Variants in KCNJ15 observed in about 807,000 individuals in gnomAD.
The protein encoded by KCNJ15 is ATP-sensitive inward rectifier potassium channel 15.
KCNJ15 carries 14 observed loss-of-function variants against 23.0 expected under a neutral mutation model. The observed-to-expected ratio is 0.61, with a 90% CI of 0.40 to 0.95. KCNJ15 has a LOEUF of 0.95. KCNJ15 is among the 40% of genes least tolerant of loss of function. The probability of loss-of-function intolerance (pLI) is 0.00; values close to 1 mark genes in which losing one functional copy is unlikely to be tolerated. For synonymous variants in KCNJ15, 185 were observed against 183.2 expected (o/e 1.01, Z -0.08); for missense variants, 388 against 461.8 (o/e 0.84, Z 1.46).
intron 1 of KCNJ15, among the ~76,000 whole-genome samples, chr21:38,276,274 G>A (rs1982686226): frequency 6.6e-6 from 1 of 152,042 alleles, no homozygotes; most frequent in African/African-American, 2.4e-5. Context: ...CTGAATAAAT[G>A]AGCAAATGAA....
upstream of KCNJ15, among the ~76,000 whole-genome samples, chr21:38,256,195 T>G (rs1980213516): frequency 6.6e-6 from 1 of 151,792 alleles, no homozygotes. Context: ...CTGCCTCTGC[T>G]TCCAGAGATC....
At chr21:38,244,864 C>T (rs1006530331) in intron 1 of KCNJ15, among the ~76,000 whole-genome samples, 1 of 152,114 alleles carries the variant, frequency 6.6e-6, no homozygotes, top group Non-Finnish European at 1.5e-5. Context: ...GAATGAATGA[C>T]TACCAGCAGG....
intron 1 of KCNJ15, among the ~76,000 whole-genome samples, chr21:38,237,621 C>T (rs542283598): frequency 5.3e-5 from 8 of 152,326 alleles, no homozygotes; most frequent in African/African-American, 1.9e-4. Flanking sequence ...GGGCAGGCAG[C>T]AGACTCTGCC....
chr21:38,257,609 C>T (rs1980399041), intron 1 of KCNJ15, among the ~76,000 whole-genome samples: 1 of 152,176 alleles, frequency 6.6e-6, no homozygotes, highest in Non-Finnish European at 1.5e-5. Flanking sequence ...TTTAGATTGC[C>T]GTAAGGCGAA....
intron 1 of KCNJ15, among the ~76,000 whole-genome samples, chr21:38,263,726 C>T (rs570351650): frequency 6.6e-6 from 1 of 152,008 alleles, no homozygotes; most frequent in African/African-American, 2.4e-5. Flanking sequence ...TGTCCAGGCT[C>T]CATTTAGGTG....
chr21:38,275,249 T>A (rs1287511953), intron 1 of KCNJ15, among the ~76,000 whole-genome samples: 1 of 152,166 alleles, frequency 6.6e-6, no homozygotes, highest in Non-Finnish European at 1.5e-5. Flanking sequence ...TCCCTCTCCA[T>A]CTGTCTTGCT....
intron 1 of KCNJ15, among the ~76,000 whole-genome samples, chr21:38,248,773 C>A (rs1278656759): frequency 1.3e-5 from 2 of 152,080 alleles, no homozygotes; most frequent in Non-Finnish European, 2.9e-5. Flanking sequence ...GAGGGAGCTC[C>A]CTGTCTGAGT....
At chr21:38,278,930 T>G (rs1360449500) in intron 1 of KCNJ15, among the ~76,000 whole-genome samples, 1 of 152,090 alleles carries the variant, frequency 6.6e-6, no homozygotes, top group Non-Finnish European at 1.5e-5. Context: ...GGGACACCAC[T>G]GAGGAGGGAC....
chr21:38,291,783 C>T (rs1030877970), intron 1 of KCNJ15: 6 of 152,224 alleles, frequency 3.9e-5, no homozygotes, highest in South Asian at 4.1e-4. Flanking sequence ...ATCAACCCCT[C>T]CAGGTGATTC....
At chr21:38,265,025 C>T (rs1981318934) in intron 1 of KCNJ15, among the ~76,000 whole-genome samples, 1 of 152,158 alleles carries the variant, frequency 6.6e-6, no homozygotes, top group South Asian at 2.1e-4. Context: ...AAAGAATATA[C>T]TGCAATCCCA....
At chr21:38,246,606 A>C (rs1474352722) in intron 1 of KCNJ15, among the ~76,000 whole-genome samples, 1 of 152,212 alleles carries the variant, frequency 6.6e-6, no homozygotes, top group Non-Finnish European at 1.5e-5. Flanking sequence ...ACAAAGTCTG[A>C]ATCTCTCCAA....
At chr21:38,263,584 C>T (rs1981148149) in intron 1 of KCNJ15, among the ~76,000 whole-genome samples, 1 of 152,194 alleles carries the variant, frequency 6.6e-6, no homozygotes, top group Non-Finnish European at 1.5e-5. Flanking sequence ...AACTGTCCAC[C>T]ACCTCCTCCC....
At chr21:38,246,484 G>T (rs1270570382) in intron 1 of KCNJ15, among the ~76,000 whole-genome samples, 1 of 152,184 alleles carries the variant, frequency 6.6e-6, no homozygotes, top group Non-Finnish European at 1.5e-5. Flanking sequence ...TGTGAAGGAT[G>T]CAAATATTTC....
chr21:38,233,901 T>C (rs934887578), intron 1 of KCNJ15, among the ~76,000 whole-genome samples: 14 of 152,126 alleles, frequency 9.2e-5, no homozygotes, highest in African/African-American at 3.4e-4. Flanking sequence ...TTGTTATAAT[T>C]ATTACTTTAT....
intron 1 of KCNJ15, among the ~76,000 whole-genome samples, chr21:38,281,948 G>C (rs184076233): frequency 8.5e-5 from 13 of 152,178 alleles, no homozygotes; most frequent in Non-Finnish European, 1.8e-4. Context: ...TGACTTTTTA[G>C]TAATAGCCAT....
intron 1 of KCNJ15, among the ~76,000 whole-genome samples, chr21:38,280,987 T>C (rs1287913257): frequency 5.3e-5 from 8 of 152,202 alleles, no homozygotes; most frequent in East Asian, 1.9e-4. Context: ...TGAGGAACAG[T>C]GGCTGCAAAA....
At chr21:38,261,455 A>C (rs1054422763) in intron 1 of KCNJ15, among the ~76,000 whole-genome samples, 3 of 152,228 alleles carry the variant, frequency 2.0e-5, no homozygotes, top group African/African-American at 7.2e-5. Flanking sequence ...TGGTTGAATT[A>C]ACTTATGTAA....
At chr21:38,239,971 A>G (rs954762418) in intron 1 of KCNJ15, among the ~76,000 whole-genome samples, 5 of 151,888 alleles carry the variant, frequency 3.3e-5, no homozygotes, top group Admixed American at 1.3e-4. Context: ...TTTTCTTACA[A>G]GGTGTAAATT....
intron 1 of KCNJ15, among the ~76,000 whole-genome samples, chr21:38,249,507 A>C (rs1259139300): frequency 6.6e-6 from 1 of 152,194 alleles, no homozygotes; most frequent in African/African-American, 2.4e-5. Context: ...ACAGATAGGA[A>C]ATATTCTCCA....
Sources: allele counts gnomAD v4.1 joint callset (sites outside exome capture counted in the v4.1 genomes callset), GRCh38; gene constraint gnomAD v4.1.1; transcripts MANE v1.5; gene names NCBI Gene and HGNC (gene_info 2026-07-23, HGNC 2026-07-21).